Variants in NCK2 observed in about 807,000 individuals in gnomAD.
NCK2 encodes the protein NCK adaptor protein 2.
A neutral mutation model predicts 33.9 loss-of-function variants in NCK2; 16 were observed. That is an observed-to-expected ratio of 0.47 (90% CI 0.32 to 0.72). The LOEUF (loss-of-function observed/expected upper bound fraction) is 0.72. Among genes scored for constraint, NCK2 ranks in the 30% least tolerant of loss-of-function variants. The pLI, the probability that NCK2 is intolerant of heterozygous loss-of-function variation, is 0.03. For synonymous variants in NCK2, 273 were observed against 239.9 expected, an observed-to-expected ratio of 1.14 and a Z score of -1.27; for missense variants, 418 against 537.3, an observed-to-expected ratio of 0.78 and a Z score of 2.19.
At chr2:105,777,447 T>C (rs1690347596) in intron 1 of NCK2, among the ~76,000 whole-genome samples, 2 of 152,132 alleles carry the variant, frequency 1.3e-5, no homozygotes, top group African/African-American at 2.4e-5. Context: ...GACCCAGTGC[T>C]CACCACCTGG....
intron 1 of NCK2, among the ~76,000 whole-genome samples, chr2:105,768,459 A>G (rs1331464858): frequency 6.6e-6 from 1 of 152,160 alleles, no homozygotes; most frequent in Non-Finnish European, 1.5e-5. Context: ...GTCCTAAGCC[A>G]CCTGTACTTC....
At position 105,880,936 on chromosome 2, in the gene NCK2, A is replaced by ATTTTTTTTTTTTTTTTTTTTTTTTT. The variant is rs59005322; in HGVS notation, c.227-384_227-360dup. On this transcript the variant is annotated intron_variant, in intron 3 of 4. Coordinates refer to ENST00000233154, the MANE Select transcript of NCK2 (RefSeq NM_003581.5). The stretch of plus-strand genomic sequence containing the variant: ...CACAGATGTGCACCACAGGTGGCTA[A>ATTTTTTTTTTTTTTTTTTTTTTTTT]TTTTTTTTTTTTTTTTTTTTTTTTT... Among the ~76,000 whole-genome samples, 4 of 103,540 alleles carry ATTTTTTTTTTTTTTTTTTTTTTTTT rather than the reference A, an allele frequency of 3.9e-5. 1 individual carries two copies. The highest frequency in any genetic ancestry group is 7.0e-5 in the African/African-American group (2 of 28,742). 67.9% of individuals were successfully genotyped at this position (103,540 alleles called of 152,430 possible).
chr2:105,754,673 A>C (rs1345800134), intron 1 of NCK2, among the ~76,000 whole-genome samples: 1 of 149,866 alleles, frequency 6.7e-6, no homozygotes, highest in East Asian at 1.9e-4. Flanking sequence ...CAGCTCCCCC[A>C]ACAACTTTTT....
At chr2:105,856,323 C>A (rs1239093097) in intron 3 of NCK2, among the ~76,000 whole-genome samples, 1 of 29,878 alleles carries the variant, frequency 3.3e-5, no homozygotes, top group East Asian at 1.9e-3. Flanking sequence ...TCTGAGCTGA[C>A]ATTTAAAACG....
At chr2:105,761,135 T>A (rs1042766655) in intron 1 of NCK2, among the ~76,000 whole-genome samples, 2 of 152,196 alleles carry the variant, frequency 1.3e-5, no homozygotes, top group African/African-American at 4.8e-5. Flanking sequence ...CTGGTGTGCC[T>A]GCCCGCCCAC....
At chr2:105,815,423 T>G (rs1322968193) in intron 1 of NCK2, among the ~76,000 whole-genome samples, 1 of 152,218 alleles carries the variant, frequency 6.6e-6, no homozygotes, top group Non-Finnish European at 1.5e-5. Flanking sequence ...AGGGATGAAT[T>G]AATAGATCTT....
intron 2 of NCK2, among the ~76,000 whole-genome samples, chr2:105,839,054 A>T (rs1676539331): frequency 6.6e-6 from 1 of 152,142 alleles, no homozygotes; most frequent in Non-Finnish European, 1.5e-5. Flanking sequence ...GAGAAGGAAT[A>T]TGAGAGAGGC....
chr2:105,857,030 C>CTTTT lies in NCK2; in HGVS notation c.226+1757_226+1760dup, dbSNP rs778367390. 159 of 54,116 alleles carry CTTTT rather than the reference C, an allele frequency of 2.9e-3. 1 individual carries two copies. The highest frequency in any genetic ancestry group is 0.012 in the African/African-American group (152 of 13,176). The allele number at this position is 54,116 out of a possible 1,614,324, so 3.4% of individuals were successfully genotyped here. The stretch of plus-strand genomic sequence containing the variant: ...ACGTTGTTGACTTGTTGTGTGTCTT[C>CTTTT]TTTTTTTTTTTTTTTTTTTGTATTT... On this transcript the variant is annotated intron_variant, in intron 3 of 4. Transcript: ENST00000233154.
intron 3 of NCK2, among the ~76,000 whole-genome samples, chr2:105,880,549 G>C (rs1417183018): frequency 6.6e-6 from 1 of 152,162 alleles, no homozygotes; most frequent in Non-Finnish European, 1.5e-5. Context: ...CAAGGCAGCT[G>C]GGGGCAGGGC....
Position 105,875,486 on chromosome 2 carries a change from G to C in NCK2, c.227-5842G>C, listed in dbSNP as rs78570378. The stretch of plus-strand genomic sequence containing the variant: ...AACTGCAACTGGCCAAGCTGCCTCA[G>C]ATCGTGTTCCCCCCATTCATATGTT... On this transcript the variant is annotated intron_variant, in intron 3 of 4. Coordinates refer to ENST00000233154, the MANE Select transcript of NCK2 (RefSeq NM_003581.5). 4.9e-4 allele frequency among the ~76,000 whole-genome samples: 75 copies of C among 152,332 alleles called. No homozygotes were observed. In the East Asian group the frequency reaches 0.013, roughly 27 times the overall value.
chr2:105,869,397 G>A (rs1291795115), intron 3 of NCK2, among the ~76,000 whole-genome samples: 1 of 152,120 alleles, frequency 6.6e-6, no homozygotes, highest in East Asian at 1.9e-4. Context: ...CAGCCCCACG[G>A]GTACCAGGGG....
chr2:105,888,478 G>T (rs1209602264), intron 4 of NCK2, among the ~76,000 whole-genome samples: 1 of 152,176 alleles, frequency 6.6e-6, no homozygotes, highest in Admixed American at 6.5e-5. Flanking sequence ...AAATCAAAGG[G>T]GAGATGTTTC....
At chr2:105,835,305 T>G in intron 2 of NCK2, among the ~76,000 whole-genome samples, 1 of 148,274 alleles carries the variant, frequency 6.7e-6, no homozygotes, top group South Asian at 2.1e-4. Context: ...GGAAAGACTT[T>G]TATTTCTTCT....
intron 1 of NCK2, among the ~76,000 whole-genome samples, chr2:105,776,271 C>T (rs1224434339): frequency 1.3e-5 from 2 of 152,246 alleles, no homozygotes; most frequent in Admixed American, 6.5e-5. Flanking sequence ...TTTTCTGTAA[C>T]ACTCAGTTTC....
At chr2:105,837,037 CAG>C (rs1174483635) in intron 2 of NCK2, among the ~76,000 whole-genome samples, 1 of 152,184 alleles carries the variant, frequency 6.6e-6, no homozygotes, top group Non-Finnish European at 1.5e-5. Flanking sequence ...TTTCCTATAA[CAG>C]GGAGTCCCCC....
chr2:105,751,005 C>G (rs957724754), intron 1 of NCK2, among the ~76,000 whole-genome samples: 1 of 152,180 alleles, frequency 6.6e-6, no homozygotes, highest in African/African-American at 2.4e-5. Flanking sequence ...ATGTTTCTGA[C>G]CTAGGCCATT....
intron 3 of NCK2, among the ~76,000 whole-genome samples, chr2:105,866,420 A>T (rs1411162100): frequency 6.6e-6 from 1 of 151,756 alleles, no homozygotes; most frequent in Non-Finnish European, 1.5e-5. Context: ...CATCTGTAAC[A>T]GCAGTCCCCA....
At chr2:105,837,217 G>T (rs1475901236) in intron 2 of NCK2, among the ~76,000 whole-genome samples, 1 of 152,136 alleles carries the variant, frequency 6.6e-6, no homozygotes, top group African/African-American at 2.4e-5. Context: ...TGTGGATGAG[G>T]TGATTGCTGG....
chr2:105,857,669 A>G (rs1362721253), intron 3 of NCK2, among the ~76,000 whole-genome samples: 2 of 152,264 alleles, frequency 1.3e-5, no homozygotes, highest in South Asian at 2.1e-4. Context: ...TTTATTGAGT[A>G]TAGCAGTTGA....
Sources: gnomAD v4.1 joint callset for allele counts (sites outside exome capture counted in the v4.1 genomes callset) on GRCh38, gnomAD v4.1.1 for gene constraint, MANE v1.5 for transcripts, NCBI Gene and HGNC (gene_info 2026-07-23, HGNC 2026-07-21) for gene names.